Variants in CADPS2 observed in about 807,000 individuals in gnomAD.
CADPS2 encodes the protein calcium dependent secretion activator 2.
A neutral mutation model predicts 172.5 loss-of-function variants in CADPS2; 93 were observed. That is an observed-to-expected ratio of 0.54 (90% CI 0.46 to 0.64). CADPS2 has a LOEUF of 0.64. CADPS2 is among the 30% of genes least tolerant of loss of function. The pLI is 0.00. For missense variants in CADPS2, 1,420 were observed against 1,565.9 expected (o/e 0.91, Z 1.57); for synonymous variants, 546 against 555.2 (o/e 0.98, Z 0.23).
rs535974995 is a variant in CADPS2, at chr7:122,836,333, T to C, written c.339+49666A>G. On this transcript the variant is annotated intron_variant, in intron 1 of 29. Transcript: ENST00000449022. ...CCAGCCACTGCAAAAACATGCCAAA[T>C]TGTAAAGACCACCGAGGCTGGGAAG... Among the ~76,000 whole-genome samples the C allele has an allele frequency of 1.7e-3, 263 of 151,322 alleles. 1 individual carries two copies. The highest frequency in any genetic ancestry group is 3.4e-3 in the Middle Eastern group (1 of 294).
At chr7:122,882,465 C>T (rs1005355779) in intron 1 of CADPS2, among the ~76,000 whole-genome samples, 1 of 152,002 alleles carries the variant, frequency 6.6e-6, no homozygotes, top group African/African-American at 2.4e-5. Context: ...ATCAAAACTA[C>T]CAGCACTTTA....
chr7:122,426,508 A>G (rs752546190), intron 17 of CADPS2, among the ~76,000 whole-genome samples: 1 of 152,230 alleles, frequency 6.6e-6, no homozygotes, highest in Admixed American at 6.5e-5. Context: ...TTGAAACTAT[A>G]TGGTCACTTA....
At chr7:122,725,385 A>G (rs1023543174) in intron 2 of CADPS2, among the ~76,000 whole-genome samples, 6 of 151,754 alleles carry the variant, frequency 4.0e-5, no homozygotes, top group Non-Finnish European at 8.8e-5. Flanking sequence ...GTGTGTGTAT[A>G]TGTGGATGGA....
chr7:122,345,370 T>TCC (rs2037418501), intron 28 of CADPS2, among the ~76,000 whole-genome samples: 1 of 152,146 alleles, frequency 6.6e-6, no homozygotes, highest in Admixed American at 6.5e-5. Flanking sequence ...ACTCCTGACC[T>TCC]CAACTGATCC....
chr7:122,603,508 T>C (rs1345516436), intron 6 of CADPS2, among the ~76,000 whole-genome samples: 1 of 151,152 alleles, frequency 6.6e-6, no homozygotes, highest in Non-Finnish European at 1.5e-5. Flanking sequence ...ATAGTGAATA[T>C]ATGGGCAGAG....
At chr7:122,434,032 C>A (rs2050320314) in intron 17 of CADPS2, among the ~76,000 whole-genome samples, 1 of 152,144 alleles carries the variant, frequency 6.6e-6, no homozygotes, top group African/African-American at 2.4e-5. Context: ...TACTCCATGG[C>A]AGCTGGAAAG....
intron 2 of CADPS2, among the ~76,000 whole-genome samples, chr7:122,678,816 G>C (rs548124483): frequency 6.6e-5 from 10 of 152,280 alleles, no homozygotes; most frequent in African/African-American, 2.4e-4. Flanking sequence ...CTACATTTTA[G>C]CAGAATGTTG....
intron 1 of CADPS2, among the ~76,000 whole-genome samples, chr7:122,874,944 G>C (rs768637184): frequency 1.1e-4 from 16 of 152,020 alleles, no homozygotes; most frequent in Non-Finnish European, 1.9e-4. Flanking sequence ...AGAAAACCTA[G>C]GCAACAAACT....
At chr7:122,562,242 TAA>T (rs2065868440) in intron 7 of CADPS2, among the ~76,000 whole-genome samples, 1 of 152,144 alleles carries the variant, frequency 6.6e-6, no homozygotes, top group Non-Finnish European at 1.5e-5. Flanking sequence ...CAGGTGAAAT[TAA>T]GATTGCTAAC....
chr7:122,408,080 A>C (rs2046865284), intron 19 of CADPS2, among the ~76,000 whole-genome samples: 1 of 151,978 alleles, frequency 6.6e-6, no homozygotes, highest in Non-Finnish European at 1.5e-5. Flanking sequence ...TTTTCTGTGA[A>C]TAGAAACATT....
At chr7:122,614,332 A>C (rs147451874) in intron 6 of CADPS2, among the ~76,000 whole-genome samples, 139 of 152,154 alleles carry the variant, frequency 9.1e-4, no homozygotes, top group African/African-American at 3.3e-3. Flanking sequence ...GTATCTCCCT[A>C]TCCTGCCTGC....
rs80151793 is a variant in CADPS2 at position 122,750,700 on chromosome 7, G to A, written c.340-13632C>T. Among the ~76,000 whole-genome samples the A allele has an allele frequency of 6.3e-3, 963 of 152,164 alleles. 9 individuals carry two copies. The highest frequency in any genetic ancestry group is 0.022 in the African/African-American group (920 of 41,520). ...CATTTTTAAAGAAAGAAGAACAAGT[G>A]AACAAATCCCAAAGCCAGCTAATTA... On this transcript the variant is annotated intron_variant, in intron 1 of 29. Coordinates refer to ENST00000449022, the MANE Select transcript of CADPS2 (RefSeq NM_017954.11).
chr7:122,467,422 G>A (rs1264206943), intron 14 of CADPS2, among the ~76,000 whole-genome samples: 1 of 152,132 alleles, frequency 6.6e-6, no homozygotes, highest in Non-Finnish European at 1.5e-5. Context: ...GACAGTCAAG[G>A]GGAAATGTTA....
At chr7:122,336,020 A>T (rs1334273451) in intron 28 of CADPS2, among the ~76,000 whole-genome samples, 2 of 152,214 alleles carry the variant, frequency 1.3e-5, no homozygotes, top group Non-Finnish European at 2.9e-5. Context: ...TTAAGACAGC[A>T]AAATTTAGAT....
Position 122,621,517 on chromosome 7 carries a change from C to G in CADPS2, c.1068G>C (p.Leu356=). The change falls in exon 5 of 30, where the codon CTG becomes CTC. Residue 356 remains leucine (L), a synonymous_variant. Coordinates refer to ENST00000449022, the MANE Select transcript of CADPS2 (RefSeq NM_017954.11). ...ATGACAGTACCACGTCGGACTTTGA[C>G]AGCTGAATCTCATTCTCATCTCCTA... ...LDIGDENEIQ[L]SKSDVVLSFT... is the part of the protein sequence containing the mutation. 1.2e-6 allele frequency: 2 copies of G among 1,613,726 alleles called. No homozygotes were observed. The highest frequency in any genetic ancestry group is 1.7e-6 in the Non-Finnish European group (2 of 1,179,716).
intron 1 of CADPS2, among the ~76,000 whole-genome samples, chr7:122,880,710 A>G (rs1425513029): frequency 2.6e-5 from 4 of 152,190 alleles, no homozygotes; most frequent in African/African-American, 9.7e-5. Flanking sequence ...TCTCCAGGTG[A>G]TTCTAATGTG....
intron 8 of CADPS2, among the ~76,000 whole-genome samples, chr7:122,533,071 G>A (rs187498269): frequency 1.3e-5 from 2 of 152,166 alleles, no homozygotes; most frequent in Non-Finnish European, 2.9e-5. Context: ...GCCCTCTAGA[G>A]ATGTGGGGCT....
intron 11 of CADPS2, 146 bp downstream of exon 11, chr7:122,489,935 G>A (rs1327103431): frequency 3.9e-5 from 26 of 668,472 alleles, no homozygotes; most frequent in Non-Finnish European, 6.5e-5. Flanking sequence ...TTAGATAAGT[G>A]ATTATGTGAC....
Position 122,693,783 on chromosome 7 carries a change from C to A in CADPS2, c.454-30214G>T, listed in dbSNP as rs995051852. Reference sequence around the variant, plus strand: ...CCAGCCTGGGCAACATGGCAAAACCCCAACTCTACTAAAAGTAAAAATAAA... The same window carrying A: ...CCAGCCTGGGCAACATGGCAAAACCACAACTCTACTAAAAGTAAAAATAAA... On this transcript the variant is annotated intron_variant, in intron 2 of 29. Transcript: ENST00000449022. 7.2e-5 allele frequency among the ~76,000 whole-genome samples: 11 copies of A among 152,174 alleles called. No homozygotes were observed. The East Asian group carries it at 1.9e-3, about 27-fold the overall frequency.
Sources: allele counts gnomAD v4.1 joint callset (sites outside exome capture counted in the v4.1 genomes callset), GRCh38; gene constraint gnomAD v4.1.1; transcripts MANE v1.5; gene names NCBI Gene and HGNC (gene_info 2026-07-23, HGNC 2026-07-21).